LGSN: variants seen among roughly 807,000 people sequenced by gnomAD.
LGSN encodes the protein lengsin, lens protein with glutamine synthetase domain.
LGSN carries 21 observed loss-of-function variants against 19.5 expected under a neutral mutation model. That is an observed-to-expected ratio of 1.07 (90% CI 0.76 to 1.55). LGSN has a LOEUF of 1.55. LGSN is among the 40% of genes most tolerant of loss of function. LGSN has a pLI of 0.00. For synonymous variants in LGSN, 257 were observed against 215.6 expected (o/e 1.19, Z -1.68); for missense variants, 673 against 608.5 (o/e 1.11, Z -1.12).
chr6:63,328,212 C>T, the LGSN span, among the ~76,000 whole-genome samples: 5 of 152,148 alleles, frequency 3.3e-5, no homozygotes, highest in Admixed American at 3.3e-4. Flanking sequence ...ATCCCATTTT[C>T]CACAAATGAA....
the LGSN span, among the ~76,000 whole-genome samples, chr6:63,381,630 C>T: frequency 6.6e-6 from 1 of 152,190 alleles, no homozygotes; most frequent in Non-Finnish European, 1.5e-5. Flanking sequence ...TCACAACTTA[C>T]CTCATCACCA....
the LGSN span, among the ~76,000 whole-genome samples, chr6:63,499,087 G>A: frequency 6.6e-6 from 1 of 152,090 alleles, no homozygotes; most frequent in Non-Finnish European, 1.5e-5. Context: ...TGTATACATT[G>A]TTTATGTGAT....
the LGSN span, among the ~76,000 whole-genome samples, chr6:63,410,468 C>A: frequency 6.6e-5 from 10 of 152,064 alleles, no homozygotes; most frequent in Non-Finnish European, 1.3e-4. Flanking sequence ...TATTTAGCAG[C>A]AGAAACTTTT....
chr6:63,389,873 C>T, the LGSN span, among the ~76,000 whole-genome samples: 19 of 152,082 alleles, frequency 1.2e-4, no homozygotes, highest in East Asian at 3.1e-3. Flanking sequence ...GTGCTCCAGA[C>T]ATTAAGTGCA....
chr6:63,301,447 A>G (rs1028617504), intron 1 of LGSN, among the ~76,000 whole-genome samples: 1 of 152,078 alleles, frequency 6.6e-6, no homozygotes, highest in South Asian at 2.1e-4. Flanking sequence ...AAATGAAAAA[A>G]TTATATAAAT....
chr6:63,308,265 C>T (rs1425630800), intron 1 of LGSN, among the ~76,000 whole-genome samples: 2 of 152,120 alleles, frequency 1.3e-5, no homozygotes, highest in African/African-American at 2.4e-5. Flanking sequence ...CGTCAGATGG[C>T]TTTTTGTCTC....
the LGSN span, among the ~76,000 whole-genome samples, chr6:63,475,259 T>G: frequency 6.7e-6 from 1 of 148,300 alleles, no homozygotes; most frequent in South Asian, 2.1e-4. Context: ...CCCATTGGCA[T>G]GCTGTTGCAG....
At position 63,280,091 on chromosome 6, in the gene LGSN, A is replaced by C; in HGVS notation, c.1460T>G (p.Met487Arg). The C allele has an allele frequency of 6.2e-7, 1 of 1,613,820 alleles. No homozygotes were observed. Among genetic ancestry groups the C allele is most frequent in the East Asian group, 2.2e-5 (1 of 44,880 alleles). ...TTCATTCTCCAACTCATATTTCTTC[A>C]TGGCAACAAAATATCGAATAAAGGT... ...GETFIRYFVA[M>R]KKYELENEEI... The change falls in exon 4 of 4, where the codon ATG becomes AGG. Residue 487 changes from methionine to arginine, a missense_variant. By Grantham distance (91) the Met-to-Arg change is moderately conservative. Transcript: ENST00000370657.
the LGSN span, among the ~76,000 whole-genome samples, chr6:63,446,254 A>AC: frequency 6.6e-6 from 1 of 151,416 alleles, no homozygotes; most frequent in East Asian, 1.9e-4. Context: ...AAAAAAAAAA[A>AC]AAAAAAAAAA....
the LGSN span, among the ~76,000 whole-genome samples, chr6:63,452,674 T>TCTCTCTCG: frequency 6.6e-6 from 1 of 151,894 alleles, no homozygotes; most frequent in African/African-American, 2.4e-5. Context: ...TCTCTCTCTC[T>TCTCTCTCG]CTGTCTCTCT....
At chr6:63,307,245 A>G (rs1768427439) in intron 1 of LGSN, among the ~76,000 whole-genome samples, 1 of 152,222 alleles carries the variant, frequency 6.6e-6, no homozygotes, top group South Asian at 2.1e-4. Context: ...CCTATTTCAG[A>G]GATGAGAAAA....
At chr6:63,507,171 C>T in the LGSN span, among the ~76,000 whole-genome samples, 5 of 152,170 alleles carry the variant, frequency 3.3e-5, no homozygotes, top group South Asian at 2.1e-4. Context: ...ACTGTCCCTC[C>T]GTCCTTGAGT....
chr6:63,534,114 A>T, the LGSN span, among the ~76,000 whole-genome samples: 1 of 152,160 alleles, frequency 6.6e-6, no homozygotes, highest in Non-Finnish European at 1.5e-5. Flanking sequence ...AAGTACTGGG[A>T]TTACAGGCAT....
chr6:63,344,256 G>A, the LGSN span, among the ~76,000 whole-genome samples: 1 of 152,208 alleles, frequency 6.6e-6, no homozygotes, highest in Non-Finnish European at 1.5e-5. Context: ...AATAAGCATG[G>A]CTTGGACTTC....
chr6:63,528,380 G>C, the LGSN span, among the ~76,000 whole-genome samples: 1,325 of 152,038 alleles, frequency 8.7e-3, 23 homozygotes, highest in African/African-American at 0.03. Context: ...AGAATCGCTT[G>C]AGCCCAGCAA....
chr6:63,306,561 A>C (rs1001282623), intron 1 of LGSN, among the ~76,000 whole-genome samples: 8 of 152,248 alleles, frequency 5.3e-5, no homozygotes, highest in Non-Finnish European at 1.0e-4. Context: ...AAAAATAAAC[A>C]AAACATAAAA....
chr6:63,571,478 T>C, the LGSN span: 1 of 152,204 alleles, frequency 6.6e-6, no homozygotes, highest in Non-Finnish European at 1.5e-5. Context: ...AGAATTGCGA[T>C]AAGACTTTAC....
the LGSN span, among the ~76,000 whole-genome samples, chr6:63,404,772 G>A: frequency 6.6e-6 from 1 of 151,804 alleles, no homozygotes; most frequent in African/African-American, 2.4e-5. Flanking sequence ...CCATTGCAAT[G>A]ATTAATATAC....
chr6:63,497,025 G>T, the LGSN span, among the ~76,000 whole-genome samples: 4 of 151,898 alleles, frequency 2.6e-5, no homozygotes, highest in African/African-American at 9.7e-5. Context: ...TAGTGATAGG[G>T]TCTCACTCCA....
Sources: allele counts gnomAD v4.1 joint callset (sites outside exome capture counted in the v4.1 genomes callset), GRCh38; gene constraint gnomAD v4.1.1; transcripts MANE v1.5; gene names NCBI Gene and HGNC (gene_info 2026-07-23, HGNC 2026-07-21).